Variants in EPM2A observed in about 807,000 individuals in gnomAD.
EPM2A encodes the protein EPM2A glucan phosphatase, laforin.
In EPM2A, 21 loss-of-function variants were observed where a neutral mutation model predicts 26.5. The ratio of observed to expected loss-of-function variants is 0.79; its 90% CI spans 0.56 to 1.14. The LOEUF (loss-of-function observed/expected upper bound fraction) is 1.14. Ranked by LOEUF, EPM2A falls within the 50% of genes most tolerant of loss-of-function variation. The probability of loss-of-function intolerance (pLI) is 0.00; values close to 1 mark genes in which losing one functional copy is unlikely to be tolerated. For missense variants in EPM2A, 458 were observed against 440.8 expected, an observed-to-expected ratio of 1.04 and a Z score of -0.35; for synonymous variants, 217 against 177.6, an observed-to-expected ratio of 1.22 and a Z score of -1.76.
intron 2 of EPM2A, among the ~76,000 whole-genome samples, chr6:145,526,619 C>G (rs1400976482): frequency 6.6e-6 from 1 of 151,970 alleles, no homozygotes; most frequent in Non-Finnish European, 1.5e-5. Context: ...TTCTGTATTT[C>G]TATGGGATCG....
chr6:145,423,813 A>C (rs1778819946), intron 4 of EPM2A, among the ~76,000 whole-genome samples: 1 of 152,194 alleles, frequency 6.6e-6, no homozygotes, highest in Admixed American at 6.5e-5. Context: ...CAGTCTCCCA[A>C]GTGGAGATTA....
chr6:145,709,198 G>T (rs927086821), intron 1 of EPM2A, among the ~76,000 whole-genome samples: 3 of 152,136 alleles, frequency 2.0e-5, no homozygotes, highest in Admixed American at 2.0e-4. Flanking sequence ...ATTAAAATGA[G>T]TTAAGACTTT....
chr6:145,564,176 C>T (rs992744410), intron 2 of EPM2A, among the ~76,000 whole-genome samples: 37 of 152,290 alleles, frequency 2.4e-4, no homozygotes, highest in African/African-American at 8.9e-4. Context: ...TATTTTTAAT[C>T]TGCAGTTGAT....
At chr6:145,725,669 G>A (rs1046354830) in intron 1 of EPM2A, among the ~76,000 whole-genome samples, 7 of 152,032 alleles carry the variant, frequency 4.6e-5, no homozygotes, top group African/African-American at 1.4e-4. Context: ...AGTCTGAAAA[G>A]GCTACACACT....
At chr6:145,584,118 G>A (rs6902404) in intron 2 of EPM2A, among the ~76,000 whole-genome samples, 72,959 of 151,736 alleles carry the variant, frequency 0.48, 18,403 homozygotes, top group African/African-American at 0.63. Flanking sequence ...ACCCATGTGC[G>A]TGCATCGGCA....
chr6:145,708,852 G>C (rs1025534360), intron 1 of EPM2A, among the ~76,000 whole-genome samples: 1 of 152,234 alleles, frequency 6.6e-6, no homozygotes, highest in African/African-American at 2.4e-5. Flanking sequence ...AAAAGACACA[G>C]ACACTCAACA....
intron 2 of EPM2A, chr6:145,670,940 C>G: frequency 1.0e-6 from 1 of 984,730 alleles, no homozygotes; most frequent in Non-Finnish European, 1.2e-6. Flanking sequence ...AAAGGAGAAG[C>G]ATGTTGTTTT....
At chr6:145,525,578 T>A (rs1296010020) in intron 2 of EPM2A, among the ~76,000 whole-genome samples, 3 of 152,058 alleles carry the variant, frequency 2.0e-5, no homozygotes, top group Non-Finnish European at 2.9e-5. Context: ...AATTGCATTG[T>A]TGATTTGGCT....
At chr6:145,386,276 A>G (rs1254278480) in intron 4 of EPM2A, among the ~76,000 whole-genome samples, 1 of 152,156 alleles carries the variant, frequency 6.6e-6, no homozygotes, top group Non-Finnish European at 1.5e-5. Context: ...TCACTTCATT[A>G]CAGTGGTGCC....
At chr6:145,632,120 G>A (rs750472523) in intron 3 of EPM2A, 3 of 152,168 alleles carry the variant, frequency 2.0e-5, no homozygotes, top group Admixed American at 6.5e-5. Flanking sequence ...AGTCCTGTAA[G>A]GTGGAAATTA....
At chr6:145,497,945 C>A (rs1779842153), downstream of EPM2A, among the ~76,000 whole-genome samples, 1 of 152,234 alleles carries the variant, frequency 6.6e-6, no homozygotes, top group African/African-American at 2.4e-5. Flanking sequence ...GGTACTTCAT[C>A]CCAAAGAGAA....
chr6:145,627,803 G>C, intron 3 of EPM2A, 110 bp from the exon 4 acceptor site: 1 of 1,464,942 alleles, frequency 6.8e-7, no homozygotes, highest in Non-Finnish European at 9.2e-7. Context: ...GGGCCAGGCA[G>C]GGATACGAGA....
intron 2 of EPM2A, among the ~76,000 whole-genome samples, chr6:145,531,530 G>T (rs113504774): frequency 1.5e-3 from 222 of 152,310 alleles, no homozygotes; most frequent in African/African-American, 5.1e-3. Context: ...TTTATGGAAA[G>T]ATGTAAACAA....
intron 2 of EPM2A, among the ~76,000 whole-genome samples, chr6:145,549,060 T>C (rs1263433904): frequency 6.6e-6 from 1 of 152,134 alleles, no homozygotes; most frequent in East Asian, 1.9e-4. Flanking sequence ...GGCATCTGCC[T>C]AAATGTGACT....
At chr6:145,635,100 T>C (rs2128562173) in intron 3 of EPM2A, 145 bp downstream of exon 3, 2 of 876,112 alleles carry the variant, frequency 2.3e-6, no homozygotes, top group East Asian at 2.8e-5. Flanking sequence ...TGTCAAAACA[T>C]ATGTATTATA....
chr6:145,502,410 G>A, intron 3 of EPM2A: 1 of 425,942 alleles, frequency 2.3e-6, no homozygotes, highest in South Asian at 1.7e-5. Flanking sequence ...GTGAGCCATA[G>A]AGCAGTGTCC....
intron 1 of EPM2A, among the ~76,000 whole-genome samples, chr6:145,696,892 G>A (rs1781620516): frequency 6.6e-6 from 1 of 151,408 alleles, no homozygotes; most frequent in African/African-American, 2.4e-5. Flanking sequence ...ATAATATTGT[G>A]AAATTTTGGA....
chr6:145,507,556 A>C (rs1237252030), intron 2 of EPM2A, among the ~76,000 whole-genome samples: 3 of 152,144 alleles, frequency 2.0e-5, no homozygotes, highest in Non-Finnish European at 4.4e-5. Context: ...ACTGGGAAAA[A>C]ACTGCATTGT....
At chr6:145,519,729 C>T (rs1456154195) in intron 2 of EPM2A, among the ~76,000 whole-genome samples, 1 of 152,026 alleles carries the variant, frequency 6.6e-6, no homozygotes, top group Non-Finnish European at 1.5e-5. Flanking sequence ...TTGTAAAACT[C>T]GCAAAGGAAT....
Sources: gnomAD v4.1 joint callset for allele counts (sites outside exome capture counted in the v4.1 genomes callset) on GRCh38, gnomAD v4.1.1 for gene constraint, MANE v1.5 for transcripts, NCBI Gene and HGNC (gene_info 2026-07-23, HGNC 2026-07-21) for gene names.